PCDH15: variants seen among roughly 807,000 people sequenced by gnomAD.
The protein encoded by PCDH15 is protocadherin related 15.
A neutral mutation model predicts 178.5 loss-of-function variants in PCDH15; 129 were observed. The ratio of observed to expected loss-of-function variants is 0.72; its 90% CI spans 0.63 to 0.84. The LOEUF is 0.84. PCDH15 is among the 40% of genes least tolerant of loss of function. The pLI, the probability that PCDH15 is intolerant of heterozygous loss-of-function variation, is 0.00. For synonymous variants in PCDH15, 800 were observed against 732.0 expected, an observed-to-expected ratio of 1.09 and a Z score of -1.50; for missense variants, 2,230 against 2,099.9, an observed-to-expected ratio of 1.06 and a Z score of -1.21.
intron 2 of PCDH15, among the ~76,000 whole-genome samples, chr10:54,992,937 C>G (rs971734213): frequency 4.6e-5 from 7 of 152,082 alleles, no homozygotes; most frequent in Non-Finnish European, 1.5e-5. Flanking sequence ...ATAATGTTTG[C>G]TGCTCTTTAT....
At chr10:55,492,139 G>A (rs531049951) in intron 2 of PCDH15, among the ~76,000 whole-genome samples, 1 of 151,632 alleles carries the variant, frequency 6.6e-6, no homozygotes, top group East Asian at 2.0e-4. Flanking sequence ...TGAAAAATTT[G>A]TGCATGAGCA....
chr10:55,411,247 T>TTTATTCA (rs1286025232), intron 2 of PCDH15, among the ~76,000 whole-genome samples: 24 of 152,248 alleles, frequency 1.6e-4, no homozygotes, highest in African/African-American at 5.5e-4. Context: ...CTGTGCCCAG[T>TTTATTCA]GCTGCTAGAA....
At chr10:55,475,147 A>C (rs1840038234) in intron 2 of PCDH15, among the ~76,000 whole-genome samples, 1 of 152,064 alleles carries the variant, frequency 6.6e-6, no homozygotes, top group Non-Finnish European at 1.5e-5. Context: ...GCTCTTTTTA[A>C]CAATCAAATC....
chr10:54,190,552 A>G lies in PCDH15; in HGVS notation c.1305+5131T>C, dbSNP rs559338185. Among the ~76,000 whole-genome samples, 12 of 152,200 alleles carry G rather than the reference A, an allele frequency of 7.9e-5. No individual in the cohort carries two copies. In the South Asian group the frequency reaches 1.2e-3, roughly 16 times the overall value. ...TCAATTAGTGAGACTACAAGCATGA[A>G]CCACCATGCCTGGCTAAGTTTTTTG... On this transcript the variant is annotated intron_variant, in intron 11 of 37. Coordinates refer to ENST00000644397, the MANE Select transcript of PCDH15 (RefSeq NM_001384140.1).
intron 2 of PCDH15, among the ~76,000 whole-genome samples, chr10:55,327,284 G>A (rs1219254515): frequency 1.3e-5 from 2 of 152,190 alleles, no homozygotes; most frequent in East Asian, 1.9e-4. Context: ...ATGAACTTCC[G>A]AGTCTTCAAA....
intron 6 of PCDH15, among the ~76,000 whole-genome samples, chr10:54,340,378 G>A (rs1287310198): frequency 2.0e-5 from 3 of 152,122 alleles, no homozygotes; most frequent in African/African-American, 7.2e-5. Flanking sequence ...CATTTCATTA[G>A]TCAAAGCAAA....
chr10:55,452,586 A>G (rs560435272), intron 2 of PCDH15, among the ~76,000 whole-genome samples: 2 of 152,142 alleles, frequency 1.3e-5, no homozygotes, highest in African/African-American at 4.8e-5. Context: ...TTATCAATAT[A>G]TTTTGTTCTT....
At chr10:55,196,721 T>G (rs1453976931) in intron 1 of PCDH15, among the ~76,000 whole-genome samples, 1 of 152,080 alleles carries the variant, frequency 6.6e-6, no homozygotes, top group African/African-American at 2.4e-5. Flanking sequence ...CATTTAGTCC[T>G]TAAGAAAAAT....
intron 33 of PCDH15, chr10:53,818,402 C>G (rs545782174): frequency 1.3e-5 from 2 of 157,060 alleles, no homozygotes; most frequent in East Asian, 3.6e-4. Context: ...AAGAGATATG[C>G]TTTATACATG....
intron 1 of PCDH15, among the ~76,000 whole-genome samples, chr10:54,755,619 A>T (rs1011277595): frequency 2.0e-5 from 3 of 152,280 alleles, no homozygotes; most frequent in Admixed American, 1.3e-4. Flanking sequence ...AAATAAAGAT[A>T]CTAGAGATCT....
chr10:53,884,470 T>G (rs896302627), intron 26 of PCDH15, among the ~76,000 whole-genome samples: 1 of 152,142 alleles, frequency 6.6e-6, no homozygotes, highest in Non-Finnish European at 1.5e-5. Flanking sequence ...AGTCTTTAAC[T>G]CCAAGCCCCC....
At chr10:53,979,604 T>C (rs1205950520) in intron 21 of PCDH15, among the ~76,000 whole-genome samples, 1 of 152,294 alleles carries the variant, frequency 6.6e-6, no homozygotes, top group African/African-American at 2.4e-5. Flanking sequence ...CTCAAGATGG[T>C]GGACAAGGAT....
At chr10:55,139,952 A>G (rs932280639) in intron 2 of PCDH15, among the ~76,000 whole-genome samples, 5 of 152,058 alleles carry the variant, frequency 3.3e-5, no homozygotes, top group Admixed American at 2.0e-4. Context: ...TTCCATCAAA[A>G]TTTCATTATT....
At chr10:54,351,744 A>G (rs1273746050) in intron 5 of PCDH15, among the ~76,000 whole-genome samples, 1 of 152,108 alleles carries the variant, frequency 6.6e-6, no homozygotes, top group Non-Finnish European at 1.5e-5. Flanking sequence ...GCTCACTGTC[A>G]AAAAACCCTG....
intron 25 of PCDH15, among the ~76,000 whole-genome samples, chr10:53,908,440 A>G (rs2082832968): frequency 6.6e-6 from 1 of 152,212 alleles, no homozygotes. Context: ...ACTTATCAAA[A>G]TATGCTGTAA....
intron 25 of PCDH15, among the ~76,000 whole-genome samples, chr10:53,921,779 T>A (rs903334102): frequency 2.6e-5 from 4 of 152,194 alleles, no homozygotes; most frequent in Non-Finnish European, 4.4e-5. Context: ...CTGATATGAT[T>A]CCTTTAGTAT....
chr10:54,509,349 TC>T (rs1461310979), intron 3 of PCDH15, among the ~76,000 whole-genome samples: 1 of 152,122 alleles, frequency 6.6e-6, no homozygotes, highest in Non-Finnish European at 1.5e-5. Flanking sequence ...GTTTCCCCTT[TC>T]ACTTGGCTCT....
chr10:55,560,914 CA>C (rs1842184794), intron 2 of PCDH15, among the ~76,000 whole-genome samples: 1 of 151,582 alleles, frequency 6.6e-6, no homozygotes, highest in Admixed American at 6.6e-5. Flanking sequence ...ACTTTTGTTG[CA>C]AAAATTTCAC....
intron 2 of PCDH15, among the ~76,000 whole-genome samples, chr10:55,512,654 T>C (rs538332769): frequency 3.4e-4 from 52 of 152,026 alleles, no homozygotes; most frequent in Non-Finnish European, 7.1e-4. Flanking sequence ...CAATTGGCAG[T>C]TGGAAGAATG....
Sources: gnomAD v4.1 joint callset for allele counts (sites outside exome capture counted in the v4.1 genomes callset) on GRCh38, gnomAD v4.1.1 for gene constraint, MANE v1.5 for transcripts, NCBI Gene and HGNC (gene_info 2026-07-23, HGNC 2026-07-21) for gene names.